RPTOR: variants seen among roughly 807,000 people sequenced by gnomAD.
The protein encoded by RPTOR is regulatory-associated protein of mTOR.
RPTOR carries 21 observed loss-of-function variants against 169.9 expected under a neutral mutation model. The observed-to-expected ratio is 0.12, with a 90% CI of 0.09 to 0.18. The LOEUF (loss-of-function observed/expected upper bound fraction) is 0.18, where lower values mean the gene tolerates loss of function less well. Ranked by LOEUF, RPTOR falls within the 10% of genes least tolerant of loss-of-function variation. RPTOR has a pLI of 1.00. For synonymous variants in RPTOR, 732 were observed against 753.2 expected (o/e 0.97, Z 0.46); for missense variants, 1,133 against 1,855.9 (o/e 0.61, Z 7.16).
chr17:80,960,853 T>G lies in RPTOR; in HGVS notation c.3606-541T>G, dbSNP rs532304651. The G allele has an allele frequency of 6.1e-6, 1 of 163,504 alleles. No individual in the cohort carries two copies. Among genetic ancestry groups the G allele is most frequent in the Non-Finnish European group, 1.4e-5 (1 of 73,956 alleles). 10.1% of individuals were successfully genotyped at this position (163,504 alleles called of 1,614,324 possible). A position where few individuals can be genotyped will look rare whatever the true frequency, so the allele number is the denominator to read the frequency against. On this transcript the variant is annotated intron_variant, in intron 30 of 33. Coordinates refer to ENST00000306801, the MANE Select transcript of RPTOR (RefSeq NM_020761.3). This position sits in a 1 kb window ranked among gnomAD's most constrained non-coding sequence, Gnocchi z 4.8. ...TCTGCTGAGCACCCCCGTGGGCAGG[T>G]GCTGTCCGGGCCTAGCAGGGGACAG...
chr17:80,881,608 C>T (rs1158382567), intron 14 of RPTOR, among the ~76,000 whole-genome samples: 3 of 152,324 alleles, frequency 2.0e-5, no homozygotes, highest in South Asian at 2.1e-4. Flanking sequence ...TGCTTGAGCT[C>T]GGGAGTTCGA....
intron 20 of RPTOR, among the ~76,000 whole-genome samples, chr17:80,905,372 G>A (rs2068527447): frequency 6.6e-6 from 1 of 151,026 alleles, no homozygotes; most frequent in Non-Finnish European, 1.5e-5. Context: ...GGATCACGAG[G>A]TCAGGAGATC....
intron 6 of RPTOR, among the ~76,000 whole-genome samples, chr17:80,776,151 A>G (rs568691081): frequency 1.2e-4 from 19 of 152,100 alleles, no homozygotes; most frequent in African/African-American, 4.3e-4. Flanking sequence ...ATGAGCTATG[A>G]TTGTGCCACT....
At chr17:80,912,402 A>G (rs1178695376) in intron 21 of RPTOR, among the ~76,000 whole-genome samples, 1 of 152,238 alleles carries the variant, frequency 6.6e-6, no homozygotes, top group Non-Finnish European at 1.5e-5. Context: ...TGATGAAATC[A>G]GTATTCAGCC....
Position 80,940,606 on chromosome 17 carries a change from G to A in RPTOR, c.3025+5G>A, listed in dbSNP as rs1598413209. Reference sequence around the variant, plus strand: ...CCCAGCAAGTCATTCAGAAGGGTAAGGGCACCCGCACAGCCAGCCAGGGGC... The same window carrying A: ...CCCAGCAAGTCATTCAGAAGGGTAAAGGCACCCGCACAGCCAGCCAGGGGC... On this transcript the variant is annotated splice_donor_5th_base_variant and intron_variant, in intron 25 of 33. Coordinates refer to ENST00000306801, the MANE Select transcript of RPTOR (RefSeq NM_020761.3). The A allele has an allele frequency of 5.6e-6, 9 of 1,604,190 alleles. No homozygotes were observed. Among genetic ancestry groups the A allele is most frequent in the Non-Finnish European group, 6.8e-6 (8 of 1,175,474 alleles).
chr17:80,854,465 C>T (rs1439160821), intron 11 of RPTOR, among the ~76,000 whole-genome samples: 6 of 152,338 alleles, frequency 3.9e-5, no homozygotes, highest in East Asian at 3.9e-4. Flanking sequence ...TGGGTTCAGC[C>T]TCAGGGTCAT....
intron 11 of RPTOR, among the ~76,000 whole-genome samples, chr17:80,854,734 A>ATT (rs1567950854): frequency 6.6e-6 from 1 of 152,178 alleles, no homozygotes; most frequent in Non-Finnish European, 1.5e-5. Flanking sequence ...TCTCTATAAA[A>ATT]AATACAAAAA....
intron 33 of RPTOR, 62 bp from the exon 34 acceptor site, chr17:80,964,200 C>G: frequency 1.7e-6 from 2 of 1,199,418 alleles, no homozygotes; most frequent in Non-Finnish European, 2.4e-6. Flanking sequence ...CCTGCGCCCC[C>G]CCGCCCCCCG....
At chr17:80,777,746 C>T (rs955090768) in intron 6 of RPTOR, among the ~76,000 whole-genome samples, 6 of 152,150 alleles carry the variant, frequency 3.9e-5, no homozygotes, top group African/African-American at 1.4e-4. Context: ...TACGTCTAGG[C>T]CTTTGGTCCG....
rs547826896 is a variant in RPTOR at position 80,965,146 on chromosome 17, G to A, written c.*816G>A. 1 of 233,318 alleles carries A rather than the reference G, an allele frequency of 4.3e-6. No homozygotes were observed. The highest frequency in any genetic ancestry group is 1.8e-4 in the South Asian group (1 of 5,530). 14.5% of individuals were successfully genotyped at this position (233,318 alleles called of 1,614,324 possible). ...CCACGGGGCTCCTTTCCCTCCGAAG[G>A]GCTGCTCTTCCCCACAGGCGCGGGG... is the stretch of plus-strand genomic sequence containing the variant. On this transcript the variant is annotated 3_prime_UTR_variant, in exon 34 of 34. Coordinates refer to ENST00000306801, the MANE Select transcript of RPTOR (RefSeq NM_020761.3).
At chr17:80,657,370 T>A (rs949683606) in intron 3 of RPTOR, among the ~76,000 whole-genome samples, 1 of 152,190 alleles carries the variant, frequency 6.6e-6, no homozygotes, top group Non-Finnish European at 1.5e-5. Flanking sequence ...GGAATCCAGA[T>A]TTTTAGGATC....
rs900676540 is a variant in RPTOR at position 80,925,585 on chromosome 17, T to C, written c.2919+105T>C. 1.6e-5 allele frequency: 14 copies of C among 902,544 alleles called. 1 individual carries two copies. The highest frequency in any genetic ancestry group is 2.5e-4 in the Middle Eastern group (1 of 4,070). The allele number at this position is 902,544 out of a possible 1,614,324, so 55.9% of individuals were successfully genotyped here. ...GGCTTGTGGCTGTGGGAGCGTCCCA[T>C]TGTGGTCGTGGTAGTGATGGTCACG... On this transcript the variant is annotated intron_variant, in intron 24 of 33. Coordinates refer to ENST00000306801, the MANE Select transcript of RPTOR (RefSeq NM_020761.3).
At chr17:80,830,354 C>T (rs980776359) in intron 9 of RPTOR, among the ~76,000 whole-genome samples, 3 of 152,192 alleles carry the variant, frequency 2.0e-5, no homozygotes, top group African/African-American at 7.2e-5. Context: ...CTCACTGCCA[C>T]CAAAACATTA....
intron 9 of RPTOR, among the ~76,000 whole-genome samples, chr17:80,836,906 G>T (rs2067570201): frequency 6.6e-6 from 1 of 152,180 alleles, no homozygotes; most frequent in African/African-American, 2.4e-5. Context: ...TAGAATTGGG[G>T]TGTGGAGCTC....
At chr17:80,862,864 G>A (rs2067935675) in intron 13 of RPTOR, among the ~76,000 whole-genome samples, 1 of 152,224 alleles carries the variant, frequency 6.6e-6, no homozygotes, top group Non-Finnish European at 1.5e-5. Context: ...GTTCAGAGGT[G>A]CAGACAGAAG....
chr17:80,751,554 T>A (rs1414256753), intron 5 of RPTOR, among the ~76,000 whole-genome samples: 1 of 152,054 alleles, frequency 6.6e-6, no homozygotes, highest in Non-Finnish European at 1.5e-5. Context: ...AGACACATTC[T>A]CTCCCCGTCA....
rs148237931 is a variant in RPTOR at position 80,841,364 on chromosome 17, C to T, written c.1212+3367C>T. Among the ~76,000 whole-genome samples the T allele has an allele frequency of 3.3e-4, 44 of 132,912 alleles. 1 individual carries two copies. Among genetic ancestry groups the T allele is most frequent in the Non-Finnish European group, 5.7e-4 (36 of 63,224 alleles). The allele number at this position is 132,912 out of a possible 152,430, so 87.2% of individuals were successfully genotyped here. ...CGCACGGCAGCTCGCTCTCTCTGCACCGCAGCTCACACTCACCGCACGGCA... is the reference window on the plus strand; with the variant it reads ...CGCACGGCAGCTCGCTCTCTCTGCATCGCAGCTCACACTCACCGCACGGCA... On this transcript the variant is annotated intron_variant, in intron 10 of 33. Transcript: ENST00000306801.
intron 10 of RPTOR, 22 bp downstream of exon 10, chr17:80,838,019 C>A: frequency 1.3e-6 from 2 of 1,596,644 alleles, no homozygotes; most frequent in Non-Finnish European, 1.7e-6. Flanking sequence ...CAAGGGCACC[C>A]TGTGCATCCG....
chr17:80,659,179 G>C lies in RPTOR; in HGVS notation c.348+15369G>C, dbSNP rs2065702008. Among the ~76,000 whole-genome samples the C allele has an allele frequency of 2.6e-5, 4 of 152,190 alleles. No homozygotes were observed. In the South Asian group the frequency reaches 8.3e-4, roughly 32 times the overall value. ...GTGGTCCCCGAGAGATTGCCTCCGA[G>C]CGCTGTTAGGAGAGGGAAGAGCTGC... On this transcript the variant is annotated intron_variant, in intron 3 of 33. Coordinates refer to ENST00000306801, the MANE Select transcript of RPTOR (RefSeq NM_020761.3). The surrounding 1 kb of genome is among the most constrained non-coding windows in gnomAD (Gnocchi z 4.3).
Sources: gnomAD v4.1 joint callset for allele counts (sites outside exome capture counted in the v4.1 genomes callset) on GRCh38, gnomAD v4.1.1 for gene constraint, Gnocchi (gnomAD v3.1) non-coding constraint, MANE v1.5 for transcripts, NCBI Gene and HGNC (gene_info 2026-07-23, HGNC 2026-07-21) for gene names.